GHR: variants seen among roughly 807,000 people sequenced by gnomAD.
GHR encodes GH receptor.
In GHR, 35 loss-of-function variants were observed where a neutral mutation model predicts 67.1. The observed-to-expected ratio is 0.52, with a 90% CI of 0.40 to 0.69. The LOEUF is 0.69. Among genes scored for constraint, GHR ranks in the 30% least tolerant of loss-of-function variants. The pLI is 0.00. For synonymous variants in GHR, 272 were observed against 269.1 expected, an observed-to-expected ratio of 1.01 and a Z score of -0.10; for missense variants, 792 against 764.6, an observed-to-expected ratio of 1.04 and a Z score of -0.42.
chr5:42,633,734 G>A (rs962332721), intron 3 of GHR, among the ~76,000 whole-genome samples: 1 of 152,126 alleles, frequency 6.6e-6, no homozygotes, highest in African/African-American at 2.4e-5. Context: ...AAATTCAACA[G>A]CATTCATCTT....
intron 2 of GHR, among the ~76,000 whole-genome samples, chr5:42,569,713 C>T (rs938227415): frequency 2.0e-5 from 3 of 151,894 alleles, no homozygotes; most frequent in African/African-American, 7.3e-5. Context: ...GTAATACATA[C>T]ACTATATGTA....
At chr5:42,681,075 C>G (rs1282492048) in intron 3 of GHR, among the ~76,000 whole-genome samples, 1 of 151,854 alleles carries the variant, frequency 6.6e-6, no homozygotes, top group Non-Finnish European at 1.5e-5. Flanking sequence ...ACTAAAACAC[C>G]AAAAACAATG....
chr5:42,564,950 G>A (rs535370006), intron 1 of GHR, among the ~76,000 whole-genome samples: 9 of 152,216 alleles, frequency 5.9e-5, no homozygotes, highest in Non-Finnish European at 1.0e-4. Flanking sequence ...AAGGCAATAC[G>A]CTGAGTTCAT....
chr5:42,610,598 G>A (rs1205771915), intron 2 of GHR, among the ~76,000 whole-genome samples: 1 of 151,952 alleles, frequency 6.6e-6, no homozygotes, highest in African/African-American at 2.4e-5. Context: ...TGCCTATGAG[G>A]GAAAATGGAG....
At chr5:42,487,720 T>C (rs1745941749) in intron 1 of GHR, among the ~76,000 whole-genome samples, 1 of 152,236 alleles carries the variant, frequency 6.6e-6, no homozygotes, top group South Asian at 2.1e-4. Flanking sequence ...TCTTCTGATA[T>C]AGGAAGATCC....
chr5:42,567,813 G>GTGTGTGTT (rs1241231952), intron 2 of GHR, among the ~76,000 whole-genome samples: 1 of 136,428 alleles, frequency 7.3e-6, no homozygotes, highest in Non-Finnish European at 1.6e-5. Context: ...GTGTGTGTGT[G>GTGTGTGTT]TTCTAGTTCT....
intron 2 of GHR, among the ~76,000 whole-genome samples, chr5:42,607,563 T>C (rs1326518613): frequency 6.6e-6 from 1 of 152,080 alleles, no homozygotes; most frequent in Admixed American, 6.5e-5. Flanking sequence ...TAACAGCAAA[T>C]AACAAGGCAA....
chr5:42,485,661 A>G (rs531399200), intron 1 of GHR, among the ~76,000 whole-genome samples: 1 of 152,280 alleles, frequency 6.6e-6, no homozygotes, highest in African/African-American at 2.4e-5. Context: ...AGGTTGACTT[A>G]TTCTATACAT....
At chr5:42,514,425 T>C (rs1747153940) in intron 1 of GHR, 12 of 539,646 alleles carry the variant, frequency 2.2e-5, no homozygotes, top group Non-Finnish European at 2.8e-5. Context: ...TCTGGGGCTA[T>C]TCAAACTCCC....
intron 2 of GHR, among the ~76,000 whole-genome samples, chr5:42,577,234 G>T (rs1750798765): frequency 6.6e-6 from 1 of 152,076 alleles, no homozygotes; most frequent in Admixed American, 6.6e-5. Flanking sequence ...GATTATATTT[G>T]AATGACTAAT....
intron 6 of GHR, among the ~76,000 whole-genome samples, chr5:42,700,923 G>A (rs2111746417): frequency 6.6e-6 from 1 of 152,290 alleles, no homozygotes. Flanking sequence ...TATCTGTTCT[G>A]TAACTTGGTA....
chr5:42,561,672 A>C (rs939872342), intron 1 of GHR, among the ~76,000 whole-genome samples: 2 of 152,222 alleles, frequency 1.3e-5, no homozygotes, highest in African/African-American at 4.8e-5. Flanking sequence ...GGAGCAGACA[A>C]AATGCCTCAG....
At chr5:42,583,841 C>A (rs1751323236) in intron 2 of GHR, among the ~76,000 whole-genome samples, 1 of 149,298 alleles carries the variant, frequency 6.7e-6, no homozygotes, top group Admixed American at 6.9e-5. Flanking sequence ...TTTTCCAAAT[C>A]TTGCAAAAAA....
intron 3 of GHR, among the ~76,000 whole-genome samples, chr5:42,634,128 C>CTT: frequency 6.7e-6 from 1 of 149,320 alleles, no homozygotes; most frequent in East Asian, 2.0e-4. Context: ...ATCTCTTTGT[C>CTT]TTTTTTTTTT....
intron 6 of GHR, among the ~76,000 whole-genome samples, chr5:42,701,095 G>T (rs552213912): frequency 6.6e-6 from 1 of 152,150 alleles, no homozygotes; most frequent in Non-Finnish European, 1.5e-5. Flanking sequence ...ACAGACCCTT[G>T]AGGGTCCCTG....
At chr5:42,681,278 C>A (rs1441405095) in intron 3 of GHR, among the ~76,000 whole-genome samples, 72 of 130,238 alleles carry the variant, frequency 5.5e-4, no homozygotes, top group Admixed American at 1.2e-3. Flanking sequence ...AAAAAAAAAA[C>A]CATCAAAAAG....
intron 3 of GHR, among the ~76,000 whole-genome samples, chr5:42,671,290 G>A (rs1231647264): frequency 6.6e-6 from 1 of 152,038 alleles, no homozygotes; most frequent in Non-Finnish European, 1.5e-5. Flanking sequence ...AGGGGAAGCA[G>A]GAGTAAGAGA....
intron 1 of GHR, among the ~76,000 whole-genome samples, chr5:42,491,521 T>C (rs960211863): frequency 1.3e-5 from 2 of 152,190 alleles, no homozygotes; most frequent in Non-Finnish European, 2.9e-5. Flanking sequence ...CTATGAAAGG[T>C]AGATACTAAT....
chr5:42,553,287 G>C (rs1426688115), intron 1 of GHR, among the ~76,000 whole-genome samples: 2 of 152,104 alleles, frequency 1.3e-5, no homozygotes, highest in Admixed American at 6.5e-5. Context: ...TTTCCTCCAA[G>C]CTCATTCCAG....
Sources: allele counts gnomAD v4.1 joint callset (sites outside exome capture counted in the v4.1 genomes callset), GRCh38; gene constraint gnomAD v4.1.1; transcripts MANE v1.5; gene names NCBI Gene and HGNC (gene_info 2026-07-23, HGNC 2026-07-21).